The following CNBD1 variants were observed in gnomAD, a reference collection of about 807,000 sequenced individuals.
The protein encoded by CNBD1 is cyclic nucleotide-binding domain-containing protein 1.
CNBD1 carries 71 observed loss-of-function variants against 54.4 expected under a neutral mutation model. That is an observed-to-expected ratio of 1.30 (90% CI 1.08 to 1.59). The LOEUF is 1.59. Among genes scored for constraint, CNBD1 ranks in the 40% most tolerant of loss-of-function variants. CNBD1 has a pLI of 0.00. For missense variants in CNBD1, 659 were observed against 518.0 expected (o/e 1.27, Z -2.64); for synonymous variants, 182 against 170.7 (o/e 1.07, Z -0.51).
At chr8:86,948,868 A>G (rs1031914001) in intron 4 of CNBD1, among the ~76,000 whole-genome samples, 2 of 152,032 alleles carry the variant, frequency 1.3e-5, no homozygotes, top group Non-Finnish European at 2.9e-5. Flanking sequence ...CCAATGTTTC[A>G]TAGTAGTTTC....
intron 3 of CNBD1, among the ~76,000 whole-genome samples, chr8:86,912,106 A>G (rs1356318026): frequency 6.6e-6 from 1 of 152,194 alleles, no homozygotes; most frequent in Non-Finnish European, 1.5e-5. Context: ...CTTACTTGTT[A>G]TAATTTTATT....
intron 6 of CNBD1, among the ~76,000 whole-genome samples, chr8:87,248,554 G>C (rs548844827): frequency 1.3e-5 from 2 of 152,236 alleles, no homozygotes; most frequent in South Asian, 4.1e-4. Context: ...GCGCTTGATC[G>C]CCATGTGGAG....
chr8:87,260,608 C>T (rs1321503535), intron 6 of CNBD1, among the ~76,000 whole-genome samples: 6 of 152,154 alleles, frequency 3.9e-5, no homozygotes, highest in Admixed American at 3.9e-4. Flanking sequence ...AGAAATCTGA[C>T]TGGTAAGAAA....
intron 4 of CNBD1, among the ~76,000 whole-genome samples, chr8:86,951,308 G>C (rs1039603443): frequency 6.6e-6 from 1 of 151,732 alleles, no homozygotes; most frequent in African/African-American, 2.4e-5. Context: ...TAATAGATAG[G>C]CTGGGCACGG....
intron 4 of CNBD1, among the ~76,000 whole-genome samples, chr8:86,958,218 T>C (rs1390948558): frequency 2.6e-5 from 4 of 152,228 alleles, no homozygotes; most frequent in Non-Finnish European, 5.9e-5. Flanking sequence ...TTCTGTTCTT[T>C]TACATTTGCT....
At position 87,011,180 on chromosome 8, in the gene CNBD1, G is replaced by T. The variant is rs1378474119; in HGVS notation, c.431+71426G>T. 7.4e-3 allele frequency among the ~76,000 whole-genome samples: 947 copies of T among 128,808 alleles called. 6 individuals are homozygous for T. Among genetic ancestry groups the T allele is most frequent in the African/African-American group, 9.6e-3 (328 of 34,172 alleles). 84.5% of individuals were successfully genotyped at this position (128,808 alleles called of 152,430 possible). A position where few individuals can be genotyped will look rare whatever the true frequency, so the allele number is the denominator to read the frequency against. ...AAAAATGGATGTTTATTAGAGTTTG[G>T]TTTTTTTTTTTTTTTCAGTCCCTAA... On this transcript the variant is annotated intron_variant, in intron 4 of 10. Coordinates refer to ENST00000518476, the MANE Select transcript of CNBD1 (RefSeq NM_173538.3).
At chr8:87,425,196 A>T (rs573738758) in intron 2 of CNBD1, among the ~76,000 whole-genome samples, 1 of 151,694 alleles carries the variant, frequency 6.6e-6, no homozygotes, top group African/African-American at 2.4e-5. Flanking sequence ...ACTTCTCTGT[A>T]TTGGTTATTC....
chr8:87,261,547 A>G (rs1196887489), intron 6 of CNBD1, among the ~76,000 whole-genome samples: 5 of 146,044 alleles, frequency 3.4e-5, no homozygotes, highest in African/African-American at 1.0e-4. Context: ...AAAAAAAAAA[A>G]GAGAAATGAC....
At chr8:86,889,059 T>C (rs1033591068) in intron 2 of CNBD1, among the ~76,000 whole-genome samples, 6 of 152,166 alleles carry the variant, frequency 3.9e-5, no homozygotes, top group Non-Finnish European at 8.8e-5. Flanking sequence ...CTCTAGTAAG[T>C]CTTATGTTTA....
At position 87,163,720 on chromosome 8, in the gene CNBD1, T is replaced by C. The variant is rs1335524134; in HGVS notation, c.432-42273T>C. On this transcript the variant is annotated intron_variant, in intron 4 of 10. Transcript: ENST00000518476. The surrounding 1 kb of genome is among the most constrained non-coding windows in gnomAD (Gnocchi z 4.5). ...CTAACAGTTTTTTTGTTGGCGTCTT[T>C]AGGGTTTTTTTTAAATATAAGATTA... Among the ~76,000 whole-genome samples the C allele has an allele frequency of 6.6e-6, 1 of 151,872 alleles. No homozygotes were observed. The highest frequency in any genetic ancestry group is 1.5e-5 in the Non-Finnish European group (1 of 67,890).
At chr8:87,171,987 C>T (rs1055480405) in intron 4 of CNBD1, among the ~76,000 whole-genome samples, 2 of 152,078 alleles carry the variant, frequency 1.3e-5, no homozygotes, top group African/African-American at 4.8e-5. Context: ...CTTCTTGGTA[C>T]TACTTTCACT....
At chr8:87,096,679 C>T (rs1168477101) in intron 4 of CNBD1, among the ~76,000 whole-genome samples, 1 of 152,112 alleles carries the variant, frequency 6.6e-6, no homozygotes, top group African/African-American at 2.4e-5. Context: ...CGTGTTCCAT[C>T]CAGTTCTAGA....
At chr8:87,092,695 A>C (rs2130682124) in intron 4 of CNBD1, among the ~76,000 whole-genome samples, 1 of 151,960 alleles carries the variant, frequency 6.6e-6, no homozygotes, top group South Asian at 2.1e-4. Context: ...TAATTATTTT[A>C]CTTTTTAAAA....
At chr8:87,279,912 C>T (rs1322303839) in intron 6 of CNBD1, among the ~76,000 whole-genome samples, 1 of 151,438 alleles carries the variant, frequency 6.6e-6, no homozygotes. Context: ...GCTACATTTA[C>T]AAACTGATTT....
chr8:87,322,318 C>T (rs1209814023), intron 8 of CNBD1, among the ~76,000 whole-genome samples: 4 of 120,986 alleles, frequency 3.3e-5, no homozygotes, highest in African/African-American at 1.3e-4. Context: ...GGTATATACC[C>T]AGTAATGGGA....
At chr8:86,952,765 A>T (rs1807657778) in intron 4 of CNBD1, among the ~76,000 whole-genome samples, 1 of 152,284 alleles carries the variant, frequency 6.6e-6, no homozygotes, top group African/African-American at 2.4e-5. Flanking sequence ...AACTTTTGAC[A>T]CGTGTAAATC....
At chr8:87,400,903 T>A (rs967378766) in intron 2 of CNBD1, among the ~76,000 whole-genome samples, 1 of 152,032 alleles carries the variant, frequency 6.6e-6, no homozygotes, top group Non-Finnish European at 1.5e-5. Context: ...CTTATTTAAT[T>A]AATTTATCTC....
At chr8:86,993,986 G>A (rs1452192730) in intron 4 of CNBD1, among the ~76,000 whole-genome samples, 1 of 152,146 alleles carries the variant, frequency 6.6e-6, no homozygotes, top group African/African-American at 2.4e-5. Flanking sequence ...ATTGGGTAGA[G>A]GTCGTGGCAG....
intron 4 of CNBD1, among the ~76,000 whole-genome samples, chr8:87,155,884 C>G (rs1812724169): frequency 6.6e-6 from 1 of 152,196 alleles, no homozygotes; most frequent in East Asian, 1.9e-4. Flanking sequence ...CACTATGTAC[C>G]AGCATTACAT....
Sources: gnomAD v4.1 joint callset for allele counts (sites outside exome capture counted in the v4.1 genomes callset) on GRCh38, gnomAD v4.1.1 for gene constraint, Gnocchi (gnomAD v3.1) non-coding constraint, MANE v1.5 for transcripts, NCBI Gene and HGNC (gene_info 2026-07-23, HGNC 2026-07-21) for gene names.